Variants in ZNF790 observed in about 807,000 individuals in gnomAD.
ZNF790 encodes zinc finger protein 790.
ZNF790 carries 8 observed loss-of-function variants against 12.1 expected under a neutral mutation model. That is an observed-to-expected ratio of 0.66 (90% CI 0.39 to 1.19). The LOEUF is 1.19. ZNF790 is among the 50% of genes most tolerant of loss of function. ZNF790 has a pLI of 0.01. For synonymous variants in ZNF790, 252 were observed against 244.3 expected (o/e 1.03, Z -0.29); for missense variants, 707 against 752.2 (o/e 0.94, Z 0.70).
chr19:36,818,688 A>G lies in ZNF790; in HGVS notation c.1656T>C (p.His552=). The G allele has an allele frequency of 6.2e-7, 1 of 1,613,680 alleles. No individual in the cohort carries two copies. Residue 552 remains histidine, a synonymous_variant, in exon 5 of 5, where the codon CAT becomes CAC. Coordinates refer to ENST00000356725, the MANE Select transcript of ZNF790 (RefSeq NM_206894.4). ...GTTCTGCATCAGTATGAATTTTCTTATGTCGTGTAAGCTGTGAACCCCAGA... is the reference window on the plus strand; with the variant it reads ...GTTCTGCATCAGTATGAATTTTCTTGTGTCGTGTAAGCTGTGAACCCCAGA... The part of the protein sequence containing the change: ...SFIWGSQLTR[H]KKIHTDAEPY...
chr19:36,837,047 A>C (rs536952019), intron 1 of ZNF790, among the ~76,000 whole-genome samples: 29 of 152,252 alleles, frequency 1.9e-4, no homozygotes, highest in Non-Finnish European at 3.1e-4. Context: ...ATCCCACGCT[A>C]TCTCTCCAAA....
Position 36,819,065 on chromosome 19 carries a change from A to G in ZNF790, c.1279T>C (p.Cys427Arg), listed in dbSNP as rs1457722203. The change falls in exon 5 of 5, where the codon TGC becomes CGC. Residue 427 changes from cysteine (C) to arginine (R), a missense_variant. Physicochemically the swap from Cys to Arg is radical, Grantham distance 180. Coordinates refer to ENST00000356725, the MANE Select transcript of ZNF790 (RefSeq NM_206894.4). ...TGRKPYECKQCGKTFTWASYL... is the reference protein window; with the variant it reads ...TGRKPYECKQRGKTFTWASYL... ...GAAGCCCAAGTAAAAGTCTTCCCGCATTGCTTACATTCATAAGGTTTCCTG... is the reference window on the plus strand; with the variant it reads ...GAAGCCCAAGTAAAAGTCTTCCCGCGTTGCTTACATTCATAAGGTTTCCTG... The G allele has an allele frequency of 4.3e-6, 7 of 1,614,072 alleles. No homozygotes were observed. Among genetic ancestry groups the G allele is most frequent in the East Asian group, 2.2e-5 (1 of 44,868 alleles).
At position 36,819,681 on chromosome 19, in the gene ZNF790, A is replaced by C; in HGVS notation, c.663T>G (p.Thr221=). The stretch of plus-strand genomic sequence containing the variant: ...CTTTACATTCATATGTTTTCTTAAC[A>C]GTGTGAACTGTCTGATATTGAATAA... ...SEVIQYQTVH[T]VKKTYECKEC... Residue 221 remains threonine (T), a synonymous_variant, in exon 5 of 5, where the codon ACT becomes ACG. Transcript: ENST00000356725. The C allele has an allele frequency of 6.2e-7, 1 of 1,612,926 alleles. No individual in the cohort carries two copies. The highest frequency in any genetic ancestry group is 1.1e-5 in the South Asian group (1 of 91,008).
At chr19:36,827,029 A>G (rs1390518108) in intron 1 of ZNF790, among the ~76,000 whole-genome samples, 2 of 150,036 alleles carry the variant, frequency 1.3e-5, no homozygotes, top group African/African-American at 4.9e-5. Context: ...ATGGGAAGAG[A>G]AGGGAAAATA....
At chr19:36,835,728 G>A (rs958921179) in intron 1 of ZNF790, among the ~76,000 whole-genome samples, 1 of 151,958 alleles carries the variant, frequency 6.6e-6, no homozygotes, top group Admixed American at 6.6e-5. Flanking sequence ...AGCTCCAGGG[G>A]AGAATTCGTT....
Position 36,823,917 on chromosome 19 carries a change from C to T in ZNF790, c.10-127G>A, listed in dbSNP as rs181693987. 2.9e-4 allele frequency: 201 copies of T among 693,564 alleles called. 2 individuals carry two copies. In the East Asian group the frequency reaches 6.4e-3, roughly 22 times the overall value. 43.0% of individuals were successfully genotyped at this position (693,564 alleles called of 1,614,324 possible). The stretch of plus-strand genomic sequence containing the variant: ...AGTGGGGCATATATTGGGCGAAAAA[C>T]TGGAGTTGGCTGCCTGTGGTTTCAG... On this transcript the variant is annotated intron_variant, in intron 2 of 4. Coordinates refer to ENST00000356725, the MANE Select transcript of ZNF790 (RefSeq NM_206894.4).
intron 1 of ZNF790, among the ~76,000 whole-genome samples, chr19:36,834,348 A>G (rs1438040627): frequency 6.6e-6 from 1 of 152,130 alleles, no homozygotes; most frequent in African/African-American, 2.4e-5. Context: ...CATTCAGATT[A>G]TACAAAGAAC....
At chr19:36,841,712 T>A (rs2072130884), upstream of ZNF790, among the ~76,000 whole-genome samples, 3 of 151,116 alleles carry the variant, frequency 2.0e-5, no homozygotes, top group Admixed American at 1.3e-4. Context: ...CGAAATCCCA[T>A]CTCTACTAAA....
chr19:36,822,791 C>T (rs1037097850), intron 4 of ZNF790, among the ~76,000 whole-genome samples: 14 of 151,884 alleles, frequency 9.2e-5, no homozygotes, highest in African/African-American at 2.9e-4. Flanking sequence ...CTGCCTGCCT[C>T]GGCCTCCCAA....
intron 2 of ZNF790, 107 bp from the exon 3 acceptor site, chr19:36,823,897 G>A: frequency 2.9e-6 from 3 of 1,020,020 alleles, no homozygotes; most frequent in Non-Finnish European, 4.0e-6. Flanking sequence ...CAGGGAGTGG[G>A]GCATATATTG....
Position 36,825,612 on chromosome 19 carries a change from T to C in ZNF790, c.8A>G (p.His3Arg). 6.2e-7 allele frequency: 1 copy of C among 1,614,104 alleles called. No homozygotes were observed. The highest frequency in any genetic ancestry group is 8.5e-7 in the Non-Finnish European group (1 of 1,179,958). Residue 3 changes from histidine (H) to arginine (R), a missense_variant and splice_region_variant, in exon 2 of 5, where the codon CAT becomes CGT. By Grantham distance (29) the His-to-Arg change is conservative (BLOSUM62 0). Coordinates refer to ENST00000356725, the MANE Select transcript of ZNF790 (RefSeq NM_206894.4). Reference protein sequence around the residue: MAHLMMFRDVAVD... With the variant: MARLMMFRDVAVD... The stretch of plus-strand genomic sequence containing the variant: ...TGGAGAGAGGCAATTCCAACTCACA[T>C]GGGCCATGACTTAACATTCCAAGTC...
chr19:36,839,155 A>G (rs1452120689), upstream of ZNF790, among the ~76,000 whole-genome samples: 1 of 152,146 alleles, frequency 6.6e-6, no homozygotes, highest in Non-Finnish European at 1.5e-5. Context: ...CACACTTGCC[A>G]GTTTTCATTT....
intron 4 of ZNF790, among the ~76,000 whole-genome samples, chr19:36,822,859 G>C (rs1568335434): frequency 6.6e-6 from 1 of 151,530 alleles, no homozygotes; most frequent in Non-Finnish European, 1.5e-5. Flanking sequence ...TTTTGTTTTT[G>C]TTTTCCCCTG....
At chr19:36,823,892 A>T in intron 2 of ZNF790, 102 bp from the exon 3 acceptor site, 5 of 1,043,046 alleles carry the variant, frequency 4.8e-6, no homozygotes, top group Non-Finnish European at 3.9e-6. Context: ...CACTGCAGGG[A>T]GTGGGGCATA....
intron 1 of ZNF790, among the ~76,000 whole-genome samples, chr19:36,834,533 T>C (rs1476237034): frequency 6.6e-6 from 1 of 152,194 alleles, no homozygotes; most frequent in East Asian, 1.9e-4. Context: ...ATCCACCATA[T>C]TGGCAAACAT....
At chr19:36,844,236 A>G (rs567676948) in intron 1 of ZNF790, among the ~76,000 whole-genome samples, 1 of 151,666 alleles carries the variant, frequency 6.6e-6, no homozygotes, top group Non-Finnish European at 1.5e-5. Flanking sequence ...GTTTGAGCCC[A>G]GGAGATTGAG....
In ZNF790 at chr19:36,818,939, G is replaced by A; in HGVS notation, c.1405C>T (p.Gln469Ter). ...TTTCTCTCACCAGTATGAATTTTCT[G>A]ATGTCGATTAAACTCTGAGCCATGA... ...FLHGSEFNRH[Q>*]KIHTGERNYE... Residue 469 changes from glutamine (Q) to a stop codon, truncating the protein, a stop_gained, in exon 5 of 5, where the codon CAG (glutamine) becomes TAG (stop). Coordinates refer to ENST00000356725, the MANE Select transcript of ZNF790 (RefSeq NM_206894.4). LOFTEE classifies it low-confidence loss of function (END_TRUNC). 1 of 1,609,868 alleles carries A rather than the reference G, an allele frequency of 6.2e-7. No individual in the cohort carries two copies. Among genetic ancestry groups the A allele is most frequent in the Non-Finnish European group, 8.5e-7 (1 of 1,177,214 alleles).
intron 1 of ZNF790, among the ~76,000 whole-genome samples, chr19:36,845,634 G>C (rs2072173312): frequency 6.6e-6 from 1 of 152,132 alleles, no homozygotes; most frequent in Non-Finnish European, 1.5e-5. Context: ...TCAATAATTT[G>C]TCCTAGACTA....
At chr19:36,849,009 T>A (rs1600678361) in intron 1 of ZNF790, among the ~76,000 whole-genome samples, 1 of 152,196 alleles carries the variant, frequency 6.6e-6, no homozygotes, top group Non-Finnish European at 1.5e-5. Flanking sequence ...GCCAGGCTGG[T>A]CTTGAACTCC....
Sources: allele counts gnomAD v4.1 joint callset (sites outside exome capture counted in the v4.1 genomes callset), GRCh38; gene constraint gnomAD v4.1.1; transcripts MANE v1.5; gene names NCBI Gene and HGNC (gene_info 2026-07-23, HGNC 2026-07-21).